The following FGF2 variants were observed in gnomAD, a reference collection of about 807,000 sequenced individuals.
FGF2 encodes the protein basic fibroblast growth factor bFGF.
A neutral mutation model predicts 15.9 loss-of-function variants in FGF2; 13 were observed. The ratio of observed to expected loss-of-function variants is 0.82; its 90% confidence interval spans 0.53 to 1.30. The LOEUF is 1.30. FGF2 is among the 50% of genes most tolerant of loss of function. FGF2 has a pLI of 0.00. For synonymous variants in FGF2, 90 were observed against 78.4 expected (o/e 1.15, Z -0.78); for missense variants, 163 against 196.9 (o/e 0.83, Z 1.03).
intron 2 of FGF2, among the ~76,000 whole-genome samples, chr4:122,889,672 T>G (rs1714826342): frequency 6.6e-6 from 1 of 152,164 alleles, no homozygotes; most frequent in African/African-American, 2.4e-5. Flanking sequence ...AGCACAGATG[T>G]AAGTTTCCTT....
intron 1 of FGF2, among the ~76,000 whole-genome samples, chr4:122,833,481 AT>A (rs1172111195): frequency 6.6e-6 from 1 of 152,190 alleles, no homozygotes; most frequent in Non-Finnish European, 1.5e-5. Flanking sequence ...AGAAAAAAGT[AT>A]TTTTTAAAAG....
chr4:122,873,492 C>G (rs1370755174), intron 1 of FGF2, among the ~76,000 whole-genome samples: 2 of 152,204 alleles, frequency 1.3e-5, no homozygotes, highest in African/African-American at 4.8e-5. Context: ...TCTAATTCCT[C>G]ACATCAGCAG....
chr4:122,860,770 T>C (rs906778011), intron 1 of FGF2, among the ~76,000 whole-genome samples: 5 of 152,186 alleles, frequency 3.3e-5, no homozygotes, highest in Admixed American at 1.3e-4. Flanking sequence ...TTCTTACATA[T>C]CTGTGGCACC....
intron 2 of FGF2, among the ~76,000 whole-genome samples, chr4:122,883,565 T>G (rs2150787854): frequency 6.6e-6 from 1 of 152,366 alleles, no homozygotes; most frequent in Non-Finnish European, 1.5e-5. Flanking sequence ...TAAATTTTGT[T>G]GCTATGAGCA....
At chr4:122,852,585 C>T (rs1265526622) in intron 1 of FGF2, among the ~76,000 whole-genome samples, 1 of 152,148 alleles carries the variant, frequency 6.6e-6, no homozygotes, top group Non-Finnish European at 1.5e-5. Context: ...CAATTAATTC[C>T]TCGCTTTTAT....
chr4:122,854,273 C>G (rs1488155051), intron 1 of FGF2, among the ~76,000 whole-genome samples: 1 of 152,246 alleles, frequency 6.6e-6, no homozygotes, highest in Non-Finnish European at 1.5e-5. Flanking sequence ...CACTGATACT[C>G]TTTTGATGGC....
At chr4:122,856,055 A>G (rs927278126) in intron 1 of FGF2, among the ~76,000 whole-genome samples, 4 of 152,230 alleles carry the variant, frequency 2.6e-5, no homozygotes, top group African/African-American at 2.4e-5. Flanking sequence ...GGAGAATTTG[A>G]TAAGTAGAAT....
intron 1 of FGF2, among the ~76,000 whole-genome samples, chr4:122,840,989 G>A (rs1725972971): frequency 6.6e-6 from 1 of 152,182 alleles, no homozygotes; most frequent in African/African-American, 2.4e-5. Flanking sequence ...AGAGGTTTGA[G>A]AATACTGAAA....
chr4:122,849,050 C>T (rs1726173295), intron 1 of FGF2, among the ~76,000 whole-genome samples: 1 of 152,168 alleles, frequency 6.6e-6, no homozygotes, highest in Non-Finnish European at 1.5e-5. Flanking sequence ...TTGGTCTATC[C>T]TTGTGTCCTT....
At chr4:122,860,499 G>A (rs1726439780) in intron 1 of FGF2, among the ~76,000 whole-genome samples, 1 of 120,644 alleles carries the variant, frequency 8.3e-6, no homozygotes, top group African/African-American at 3.0e-5. Flanking sequence ...CTGTTGCCTA[G>A]GCTGAAGAGC....
chr4:122,833,973 AT>A (rs1293469415), intron 1 of FGF2, among the ~76,000 whole-genome samples: 1 of 152,192 alleles, frequency 6.6e-6, no homozygotes, highest in African/African-American at 2.4e-5. Context: ...AGTATTTAAG[AT>A]TTTTATCATG....
chr4:122,851,943 A>G (rs1287982995), intron 1 of FGF2, among the ~76,000 whole-genome samples: 1 of 152,226 alleles, frequency 6.6e-6, no homozygotes, highest in Non-Finnish European at 1.5e-5. Flanking sequence ...GATAATAGCT[A>G]CTATGTTGGT....
intron 1 of FGF2, among the ~76,000 whole-genome samples, chr4:122,832,121 T>C (rs930566568): frequency 6.6e-6 from 1 of 152,170 alleles, no homozygotes; most frequent in African/African-American, 2.4e-5. Context: ...CCAATTCTAG[T>C]GTTTGTTGAT....
intron 1 of FGF2, among the ~76,000 whole-genome samples, chr4:122,841,721 T>G (rs1725988033): frequency 6.6e-6 from 1 of 152,208 alleles, no homozygotes; most frequent in African/African-American, 2.4e-5. Context: ...AAAGTTATGT[T>G]TTTTGCTAGA....
chr4:122,839,468 T>C (rs1725932502), intron 1 of FGF2, among the ~76,000 whole-genome samples: 1 of 152,180 alleles, frequency 6.6e-6, no homozygotes, highest in Non-Finnish European at 1.5e-5. Flanking sequence ...GAGTGTCTAC[T>C]ATGTGAGGGA....
In FGF2 at chr4:122,898,104, ATATTG is replaced by A. The variant is rs1183068673; in HGVS notation, c.*5713_*5717del. ...TATGCTATTTTAAAATCTATTTCCT[ATATTG>A]TATTTCTAATCAGATGTATTACTCT... On this transcript the variant is annotated 3_prime_UTR_variant, in exon 3 of 3. Transcript: ENST00000644866. 6.3e-6 allele frequency: 1 copy of A among 159,850 alleles called. No individual in the cohort carries two copies. Among genetic ancestry groups the A allele is most frequent in the African/African-American group, 2.4e-5 (1 of 41,526 alleles). The allele number at this position is 159,850 out of a possible 1,614,324, so 9.9% of individuals were successfully genotyped here.
At chr4:122,844,416 A>G (rs891901425) in intron 1 of FGF2, among the ~76,000 whole-genome samples, 1 of 152,102 alleles carries the variant, frequency 6.6e-6, no homozygotes, top group African/African-American at 2.4e-5. Context: ...GTTGGAGTCA[A>G]CTTCTTCCAA....
rs1384235598 is a variant in FGF2 at position 122,896,454 on chromosome 4, CT to C, written c.*4059del. The C allele has an allele frequency of 2.0e-5, 3 of 152,174 alleles. No individual in the cohort carries two copies. The highest frequency in any genetic ancestry group is 4.4e-5 in the Non-Finnish European group (3 of 68,026). 9.4% of individuals were successfully genotyped at this position (152,174 alleles called of 1,614,324 possible). A position where few individuals can be genotyped will look rare whatever the true frequency, so the allele number is the denominator to read the frequency against. Reference sequence around the variant, plus strand: ...TTTGCCCAATATAGATTGGGTAAGGCTGCAAAACATAAGCTTAATTAGCTCA... The same window carrying C: ...TTTGCCCAATATAGATTGGGTAAGGCGCAAAACATAAGCTTAATTAGCTCA... On this transcript the variant is annotated 3_prime_UTR_variant, in exon 3 of 3. Transcript: ENST00000644866.
intron 1 of FGF2, among the ~76,000 whole-genome samples, chr4:122,859,598 A>T (rs1016435070): frequency 6.6e-6 from 1 of 152,146 alleles, no homozygotes; most frequent in African/African-American, 2.4e-5. Context: ...TGCAAAGCCA[A>T]CATATTTGAG....
Sources: allele counts gnomAD v4.1 joint callset (sites outside exome capture counted in the v4.1 genomes callset), GRCh38; gene constraint gnomAD v4.1.1; transcripts MANE v1.5; gene names NCBI Gene and HGNC (gene_info 2026-07-23, HGNC 2026-07-21).